Variants in WDPCP observed in about 807,000 individuals in gnomAD.
The protein encoded by WDPCP is WD repeat-containing and planar cell polarity effector protein fritz homolog.
A neutral mutation model predicts 93.1 loss-of-function variants in WDPCP; 71 were observed. The ratio of observed to expected loss-of-function variants is 0.76; its 90% CI spans 0.63 to 0.93. WDPCP has a LOEUF of 0.93. WDPCP is among the 40% of genes least tolerant of loss of function. The pLI, the probability that WDPCP is intolerant of heterozygous loss-of-function variation, is 0.00. For synonymous variants in WDPCP, 315 were observed against 315.0 expected (o/e 1.00, Z 0.00); for missense variants, 844 against 887.4 (o/e 0.95, Z 0.62).
intron 8 of WDPCP, among the ~76,000 whole-genome samples, chr2:63,435,627 G>A (rs1213666483): frequency 6.6e-6 from 1 of 152,116 alleles, no homozygotes; most frequent in African/African-American, 2.4e-5. Flanking sequence ...GTTATGAAAT[G>A]TTAGGAAATT....
chr2:63,323,174 G>T (rs1396247686), intron 12 of WDPCP, among the ~76,000 whole-genome samples: 2 of 152,172 alleles, frequency 1.3e-5, no homozygotes, highest in African/African-American at 4.8e-5. Flanking sequence ...AGCGAGACTT[G>T]CCCATCTATT....
At chr2:63,681,045 A>G (rs892544851) in intron 2 of WDPCP, among the ~76,000 whole-genome samples, 2 of 152,166 alleles carry the variant, frequency 1.3e-5, no homozygotes, top group African/African-American at 4.8e-5. Context: ...ATGATACCCT[A>G]GTTGTACAGC....
At chr2:63,450,041 A>C (rs1698126824) in intron 6 of WDPCP, among the ~76,000 whole-genome samples, 1 of 152,188 alleles carries the variant, frequency 6.6e-6, no homozygotes, top group African/African-American at 2.4e-5. Context: ...AAAGGAAAGC[A>C]AAGTGCATGC....
intron 6 of WDPCP, among the ~76,000 whole-genome samples, chr2:63,457,441 C>T (rs1698699556): frequency 6.6e-6 from 1 of 152,126 alleles, no homozygotes; most frequent in Non-Finnish European, 1.5e-5. Flanking sequence ...TGAATTCACC[C>T]TAACTCATTC....
chr2:63,477,886 G>A (rs1700060831), intron 6 of WDPCP: 1 of 152,082 alleles, frequency 6.6e-6, no homozygotes, highest in Non-Finnish European at 1.5e-5. Context: ...GAGAACTATG[G>A]GCTCTCAGTC....
intron 17 of WDPCP, among the ~76,000 whole-genome samples, chr2:63,138,640 G>C (rs1397648781): frequency 2.6e-5 from 4 of 151,924 alleles, no homozygotes; most frequent in Non-Finnish European, 5.9e-5. Flanking sequence ...TTTTAGTAGA[G>C]ATGGGGTTTC....
chr2:63,824,550 A>AC (rs1558919852), intron 1 of WDPCP, among the ~76,000 whole-genome samples: 1 of 150,808 alleles, frequency 6.6e-6, no homozygotes, highest in Non-Finnish European at 1.5e-5. Flanking sequence ...AAAAAAAAAA[A>AC]AAAAAAAAAA....
the WDPCP span, among the ~76,000 whole-genome samples, chr2:63,834,863 AT>A: frequency 1.3e-5 from 2 of 152,142 alleles, no homozygotes; most frequent in Non-Finnish European, 2.9e-5. Context: ...GACATCGGAT[AT>A]TTTTCGTTAG....
At chr2:63,378,012 AAAAC>A (rs1691997932) in intron 12 of WDPCP, 1 of 187,140 alleles carries the variant, frequency 5.3e-6, no homozygotes, top group African/African-American at 2.4e-5. Context: ...TTCTTAAAGA[AAAAC>A]AAACTAATGA....
At chr2:63,533,734 C>T (rs954318522) in intron 1 of WDPCP, among the ~76,000 whole-genome samples, 9 of 152,266 alleles carry the variant, frequency 5.9e-5, no homozygotes, top group African/African-American at 2.2e-4. Context: ...ATTTATAGCA[C>T]TAAATGCCCA....
At chr2:63,463,096 C>T (rs1024349976) in intron 6 of WDPCP, among the ~76,000 whole-genome samples, 25 of 147,504 alleles carry the variant, frequency 1.7e-4, no homozygotes, top group Non-Finnish European at 3.3e-4. Context: ...CATTCAAAGA[C>T]GGGGGAAAGG....
At chr2:63,781,790 T>C (rs914256833) in intron 2 of WDPCP, among the ~76,000 whole-genome samples, 1 of 152,144 alleles carries the variant, frequency 6.6e-6, no homozygotes, top group Non-Finnish European at 1.5e-5. Context: ...ACAGCCATAG[T>C]TCCAGTAAGT....
intron 6 of WDPCP, among the ~76,000 whole-genome samples, chr2:63,467,403 C>T (rs1214227921): frequency 6.6e-6 from 1 of 151,438 alleles, no homozygotes; most frequent in African/African-American, 2.4e-5. Context: ...TCACTGGAAC[C>T]CAGGAGGTGG....
chr2:63,137,783 T>A (rs1670733858), intron 17 of WDPCP, among the ~76,000 whole-genome samples: 1 of 152,198 alleles, frequency 6.6e-6, no homozygotes, highest in African/African-American at 2.4e-5. Flanking sequence ...AGCTAGCTAC[T>A]TATCCCAGCA....
intron 12 of WDPCP, among the ~76,000 whole-genome samples, chr2:63,322,050 G>A (rs1222378768): frequency 6.6e-6 from 1 of 152,168 alleles, no homozygotes; most frequent in Non-Finnish European, 1.5e-5. Context: ...TGGGGACTTG[G>A]AGAACTTTTC....
chr2:63,711,068 G>T (rs1049468172), intron 2 of WDPCP, among the ~76,000 whole-genome samples: 18 of 152,160 alleles, frequency 1.2e-4, no homozygotes, highest in African/African-American at 4.3e-4. Context: ...AGGCCCAAAA[G>T]GTATTACATC....
chr2:63,785,004 C>G (rs1418470111), intron 2 of WDPCP, among the ~76,000 whole-genome samples: 1 of 152,168 alleles, frequency 6.6e-6, no homozygotes, highest in Admixed American at 6.6e-5. Flanking sequence ...CTTGGCTACG[C>G]TTACGCTATG....
At chr2:63,702,479 C>T (rs145325362) in intron 2 of WDPCP, among the ~76,000 whole-genome samples, 178 of 151,972 alleles carry the variant, frequency 1.2e-3, no homozygotes, top group African/African-American at 4.2e-3. Context: ...CTAATGGTTG[C>T]CCTGACATAT....
intron 3 of WDPCP, chr2:63,643,879 C>G (rs1166602501): frequency 1.9e-6 from 1 of 533,568 alleles, no homozygotes; most frequent in Non-Finnish European, 3.8e-6. Context: ...CATCTCCTGT[C>G]AAGGCATACT....
Sources: allele counts gnomAD v4.1 joint callset (sites outside exome capture counted in the v4.1 genomes callset), GRCh38; gene constraint gnomAD v4.1.1; transcripts MANE v1.5; gene names NCBI Gene and HGNC (gene_info 2026-07-23, HGNC 2026-07-21).